Variants in ADAMTS7 observed in about 807,000 individuals in gnomAD.
The protein encoded by ADAMTS7 is A disintegrin and metalloproteinase with thrombospondin motifs 7.
ADAMTS7 carries 89 observed loss-of-function variants against 172.6 expected under a neutral mutation model. The ratio of observed to expected loss-of-function variants is 0.52; its 90% CI spans 0.43 to 0.61. ADAMTS7 has a LOEUF of 0.61. Ranked by LOEUF, ADAMTS7 falls within the 20% of genes least tolerant of loss-of-function variation. The pLI, the probability that ADAMTS7 is intolerant of heterozygous loss-of-function variation, is 0.00. For missense variants in ADAMTS7, 1,973 were observed against 2,355.6 expected, an observed-to-expected ratio of 0.84 and a Z score of 3.36; for synonymous variants, 885 against 978.4, an observed-to-expected ratio of 0.90 and a Z score of 1.78.
chr15:78,767,993 A>G, intron 17 of ADAMTS7, 140 bp downstream of exon 17: 2 of 431,782 alleles, frequency 4.6e-6, no homozygotes. Flanking sequence ...AGGGACCCAG[A>G]TGTAGGGACC....
At position 78,811,428 on chromosome 15, in the gene ADAMTS7, A is replaced by C. The variant is rs555819023; in HGVS notation, c.-208T>G. ...CCCTTGGCCGCTGCAGAGGCAAAGA[A>C]AAGACAAGAGAGCTAGAAGGAGAGA... is the stretch of plus-strand genomic sequence containing the variant. On this transcript the variant is annotated 5_prime_UTR_variant, in exon 1 of 24. Transcript: ENST00000388820. 4.7e-4 allele frequency: 189 copies of C among 405,678 alleles called. 3 individuals are homozygous for C. The East Asian group carries it at 6.4e-3, about 14-fold the overall frequency. The allele number at this position is 405,678 out of a possible 1,614,324, so 25.1% of individuals were successfully genotyped here.
chr15:78,777,893 T>C (rs188238566), intron 8 of ADAMTS7, among the ~76,000 whole-genome samples: 76 of 152,272 alleles, frequency 5.0e-4, no homozygotes, highest in African/African-American at 1.7e-3. Flanking sequence ...CACCAAGCCG[T>C]CATGTGGCCC....
intron 1 of ADAMTS7, among the ~76,000 whole-genome samples, chr15:78,801,914 A>C (rs1237842058): frequency 6.6e-6 from 1 of 151,734 alleles, no homozygotes; most frequent in East Asian, 1.9e-4. Context: ...GTCTCAAACA[A>C]ACTCCTGGGC....
At chr15:78,777,609 T>G in intron 8 of ADAMTS7, 21 bp from the exon 9 acceptor site, 1 of 1,593,572 alleles carries the variant, frequency 6.3e-7, no homozygotes, top group Non-Finnish European at 8.5e-7. Context: ...GACGGGAGGA[T>G]GGAGGGGGGC....
Position 78,771,537 on chromosome 15 carries a change from G to A in ADAMTS7, c.2376+48C>T, listed in dbSNP as rs3825809. 365 of 1,546,380 alleles carry A rather than the reference G, an allele frequency of 2.4e-4. No individual in the cohort carries two copies. Among genetic ancestry groups the A allele is most frequent in the Non-Finnish European group, 3.0e-4 (347 of 1,146,200 alleles). On this transcript the variant is annotated intron_variant, in intron 15 of 23. Coordinates refer to ENST00000388820, the MANE Select transcript of ADAMTS7 (RefSeq NM_014272.5). This position sits in a 1 kb window ranked among gnomAD's most constrained non-coding sequence, Gnocchi z 4.9. ...ACCTGCCATGGAGGGTGCTGGGCCTGGGGACTCCGCCTCTGCTCCCCCCGC... is the reference window on the plus strand; with the variant it reads ...ACCTGCCATGGAGGGTGCTGGGCCTAGGGACTCCGCCTCTGCTCCCCCCGC...
chr15:78,770,946 C>T (rs990724752), intron 16 of ADAMTS7: 8 of 629,072 alleles, frequency 1.3e-5, no homozygotes, highest in Admixed American at 1.2e-4. Context: ...GAACATGCGC[C>T]GCGAGCCAGC....
chr15:78,786,928 C>T (rs1280705159), intron 8 of ADAMTS7, among the ~76,000 whole-genome samples: 2 of 152,126 alleles, frequency 1.3e-5, no homozygotes, highest in Non-Finnish European at 2.9e-5. Context: ...GCCTACTCAA[C>T]ATGAAGAGGA....
chr15:78,767,307 G>A (rs1386362658), intron 18 of ADAMTS7, 72 bp downstream of exon 18: 7 of 1,558,112 alleles, frequency 4.5e-6, no homozygotes, highest in South Asian at 1.2e-5. Flanking sequence ...TCTCCAGGAA[G>A]GCTGTCTGCC....
At chr15:78,799,368 C>T (rs1218408513) in intron 2 of ADAMTS7, among the ~76,000 whole-genome samples, 2 of 131,950 alleles carry the variant, frequency 1.5e-5, no homozygotes, top group African/African-American at 2.5e-5. Context: ...CCCTACTCTG[C>T]CTGGAGTGGA....
At chr15:78,796,419 C>G (rs2141517461) in intron 4 of ADAMTS7, among the ~76,000 whole-genome samples, 171 bp downstream of exon 4, 1 of 152,220 alleles carries the variant, frequency 6.6e-6, no homozygotes, top group Middle Eastern at 3.4e-3. Flanking sequence ...GACTAGCTGC[C>G]AAGACCCCCA....
At chr15:78,780,643 C>T (rs1180806939) in intron 8 of ADAMTS7, among the ~76,000 whole-genome samples, 1 of 152,012 alleles carries the variant, frequency 6.6e-6, no homozygotes, top group Non-Finnish European at 1.5e-5. Flanking sequence ...TCAGGTCAAC[C>T]CTCTTGGACA....
chr15:78,794,424 T>C (rs1363559014), intron 4 of ADAMTS7, among the ~76,000 whole-genome samples: 2 of 152,198 alleles, frequency 1.3e-5, no homozygotes, highest in Non-Finnish European at 2.9e-5. Context: ...GTCCCTGCCA[T>C]CCCTGCAGCC....
chr15:78,799,335 A>G (rs1446603189), intron 2 of ADAMTS7, among the ~76,000 whole-genome samples: 1 of 133,640 alleles, frequency 7.5e-6, no homozygotes, highest in African/African-American at 2.6e-5. Flanking sequence ...GGGGCTGGTC[A>G]CCTGAACACG....
intron 1 of ADAMTS7, among the ~76,000 whole-genome samples, chr15:78,809,235 G>C (rs1175018930): frequency 6.6e-6 from 1 of 152,172 alleles, no homozygotes; most frequent in African/African-American, 2.4e-5. Flanking sequence ...TTTCCTAAAA[G>C]TGAGCCCAGG....
intron 4 of ADAMTS7, 54 bp from the exon 5 acceptor site, chr15:78,791,277 C>A: frequency 6.6e-7 from 1 of 1,510,324 alleles, no homozygotes; most frequent in Non-Finnish European, 9.0e-7. Context: ...ATACAAGCAG[C>A]CAATGCCCAC....
intron 3 of ADAMTS7, among the ~76,000 whole-genome samples, chr15:78,797,393 G>A (rs188285583): frequency 6.6e-6 from 1 of 152,248 alleles, no homozygotes; most frequent in South Asian, 2.1e-4. Flanking sequence ...GCCTGAGATT[G>A]GCTTGCTAGC....
Position 78,763,992 on chromosome 15 carries a change from C to G in ADAMTS7, c.4527G>C (p.Lys1509Asn), listed in dbSNP as rs370476096. 6.5e-7 allele frequency: 1 copy of G among 1,544,524 alleles called. No homozygotes were observed. The highest frequency in any genetic ancestry group is 2.4e-5 in the East Asian group (1 of 41,940). The change falls in exon 21 of 24, where the codon AAG (lysine) becomes AAC (asparagine). Residue 1509 changes from lysine to asparagine, a missense_variant. By Grantham distance (94) the Lys-to-Asn change is moderately conservative (BLOSUM62 0). Coordinates refer to ENST00000388820, the MANE Select transcript of ADAMTS7 (RefSeq NM_014272.5). ...RPFHCQPGPA[K>N]PPAHRPCGAQ... ...CCCCGCAGGGCCGGTGCGCAGGCGG[C>G]TTGGCAGGCCCGGGCTGACAATGGA...
intron 23 of ADAMTS7, 100 bp from the exon 24 acceptor site, chr15:78,759,678 C>T (rs2055010816): frequency 3.0e-6 from 4 of 1,339,640 alleles, no homozygotes; most frequent in Admixed American, 6.4e-5. Flanking sequence ...AGCAGCTCCC[C>T]ACCAAGCAGA....
chr15:78,806,796 C>T (rs1341197530), intron 1 of ADAMTS7, among the ~76,000 whole-genome samples: 2 of 152,080 alleles, frequency 1.3e-5, no homozygotes, highest in East Asian at 1.9e-4. Context: ...GAGAGAGTTT[C>T]GTTCTTGTCC....
Sources: allele counts gnomAD v4.1 joint callset (sites outside exome capture counted in the v4.1 genomes callset), GRCh38; gene constraint gnomAD v4.1.1; non-coding constraint Gnocchi (gnomAD v3.1); transcripts MANE v1.5; gene names NCBI Gene and HGNC (gene_info 2026-07-23, HGNC 2026-07-21).